Variants in G6PD observed in about 807,000 individuals in gnomAD.
The protein encoded by G6PD is glucose-6-phosphate dehydrogenase, also known as glucose-6-phosphate 1-dehydrogenase.
A neutral mutation model predicts 38.2 loss-of-function variants in G6PD; 2 were observed. The ratio of observed to expected loss-of-function variants is 0.05; its 90% CI spans 0.02 to 0.16. The LOEUF (loss-of-function observed/expected upper bound fraction) is 0.16, where lower values mean the gene tolerates loss of function less well. Among genes scored for constraint, G6PD ranks in the 10% least tolerant of loss-of-function variants. G6PD has a pLI of 1.00. For synonymous variants in G6PD, 188 were observed against 196.0 expected, an observed-to-expected ratio of 0.96 and a Z score of 0.34; for missense variants, 310 against 471.6, an observed-to-expected ratio of 0.66 and a Z score of 3.17.
At chrX:154,540,377 G>A (rs781845834) in intron 2 of G6PD, among the ~76,000 whole-genome samples, 4 of 110,817 alleles carry the variant, frequency 3.6e-5, no homozygotes, top group Non-Finnish European at 7.6e-5. Flanking sequence ...GCTGAGGCAG[G>A]GGAATTGCTT....
chrX:154,532,316 C>T (rs2070347656), intron 11 of G6PD, 36 bp from the exon 12 acceptor site: 1 of 1,208,379 alleles, frequency 8.3e-7, no homozygotes, highest in Admixed American at 2.2e-5. Context: ...AGGCCGGTGG[C>T]ACACAGGGAG....
chrX:154,542,166 A>G, intron 2 of G6PD: 1 of 541,664 alleles, frequency 1.8e-6, no homozygotes, highest in Non-Finnish European at 3.0e-6. Context: ...TGGGGAAGTC[A>G]GCCCAGAAAT....
chrX:154,546,138 G>A lies in G6PD; in HGVS notation c.18C>T (p.Ala6=). MAEQV[A]LSRTQVCGIL... ...TCCCGCACACCTGGGTCCGGCTCAG[G>A]GCCACCTGCTCTGCCATGACGCTGT... is the stretch of plus-strand genomic sequence containing the variant. The change falls in exon 2 of 13, where the codon GCC becomes GCT. Residue 6 remains alanine (A), a synonymous_variant. Coordinates refer to ENST00000393562, the MANE Select transcript of G6PD (RefSeq NM_001360016.2). 8.3e-7 allele frequency: 1 copy of A among 1,211,832 alleles called. No homozygotes were observed. Among genetic ancestry groups the A allele is most frequent in the East Asian group, 3.0e-5 (1 of 33,852 alleles).
chrX:154,533,415 C>T (rs973662474), intron 8 of G6PD, 161 bp downstream of exon 8: 3 of 617,405 alleles, frequency 4.9e-6, no homozygotes, highest in Admixed American at 7.1e-5. Context: ...GGCTTCATGA[C>T]TGCCAGTCCA....
intron 2 of G6PD, among the ~76,000 whole-genome samples, chrX:154,543,931 G>A (rs1249851293): frequency 1.9e-5 from 2 of 106,637 alleles, no homozygotes; most frequent in East Asian, 2.9e-4. Context: ...GCAGTGTTGC[G>A]ATTTCTGCTC....
At chrX:154,535,411 A>G (rs782041783) in intron 4 of G6PD, 26 bp from the exon 5 acceptor site, 5 of 1,157,571 alleles carry the variant, frequency 4.3e-6, no homozygotes, top group Non-Finnish European at 5.9e-6. Flanking sequence ...AGACAGACAC[A>G]CAGACAGATG....
chrX:154,546,404 G>A lies in G6PD; in HGVS notation c.-8-241C>T. On this transcript the variant is annotated intron_variant, in intron 1 of 12. Coordinates refer to ENST00000393562, the MANE Select transcript of G6PD (RefSeq NM_001360016.2). ...GGTGTACATTACAAAATTACTCAAAGCATTGGTGTATTCCGACTACAGCAT... is the reference window on the plus strand; with the variant it reads ...GGTGTACATTACAAAATTACTCAAAACATTGGTGTATTCCGACTACAGCAT... Among the ~76,000 whole-genome samples, 2 of 112,342 alleles carry A rather than the reference G, an allele frequency of 1.8e-5. 1 individual carries two copies. Among genetic ancestry groups the A allele is most frequent in the South Asian group, 7.3e-4 (2 of 2,724 alleles).
At chrX:154,542,562 T>G in intron 2 of G6PD, 1 of 987,569 alleles carries the variant, frequency 1.0e-6, no homozygotes, top group Non-Finnish European at 1.3e-6. Flanking sequence ...GGAAGCTGGG[T>G]GTGTGGGCAA....
At chrX:154,534,581 C>T in intron 5 of G6PD, 85 bp from the exon 6 acceptor site, 1 of 1,130,466 alleles carries the variant, frequency 8.8e-7, no homozygotes, top group Non-Finnish European at 1.2e-6. Flanking sequence ...GACGCCCTCC[C>T]AGGGGAGTAG....
rs782238350 is a variant in G6PD at position 154,532,821 on chromosome X, A to G, written c.1052-19T>C. On this transcript the variant is annotated intron_variant, in intron 9 of 12. Transcript: ENST00000393562. ...GGCACCCCTACGTGGCGGAAAGGGC[A>G]GCCTCAGCACCAGCTCTCTCAGGGT... is the stretch of plus-strand genomic sequence containing the variant. 151 of 1,204,972 alleles carry G rather than the reference A, an allele frequency of 1.3e-4. No homozygotes were observed. Among genetic ancestry groups the G allele is most frequent in the Non-Finnish European group, 1.6e-4 (141 of 891,340 alleles).
chrX:154,534,226 G>A (rs1557230254), intron 6 of G6PD, 66 bp from the exon 7 acceptor site: 1 of 1,204,605 alleles, frequency 8.3e-7, no homozygotes, highest in East Asian at 3.0e-5. Flanking sequence ...CACATGTGAG[G>A]GGTCACCCTT....
intron 2 of G6PD, among the ~76,000 whole-genome samples, chrX:154,542,620 C>T (rs1293723808): frequency 8.9e-6 from 1 of 111,931 alleles, no homozygotes; most frequent in African/African-American, 3.3e-5. Context: ...AGGAAGGCCA[C>T]GTGGGTCCAG....
In G6PD at chrX:154,535,404, C is replaced by CAG; in HGVS notation, c.268-21_268-20dup. On this transcript the variant is annotated intron_variant, in intron 4 of 12. Coordinates refer to ENST00000393562, the MANE Select transcript of G6PD (RefSeq NM_001360016.2). ...GGGTGGCCTGGGAGACACGGACAGACAGACACACAGACAGATGTCAGCCCC... is the reference window on the plus strand; with the variant it reads ...GGGTGGCCTGGGAGACACGGACAGACAGAGACACACAGACAGATGTCAGCCCC... 1 of 1,158,448 alleles carries CAG rather than the reference C, an allele frequency of 8.6e-7. No individual in the cohort carries two copies. Among genetic ancestry groups the CAG allele is most frequent in the Non-Finnish European group, 1.2e-6 (1 of 850,548 alleles).
At chrX:154,541,941 G>C (rs2070519671) in intron 2 of G6PD, among the ~76,000 whole-genome samples, 1 of 112,363 alleles carries the variant, frequency 8.9e-6, no homozygotes, top group Non-Finnish European at 1.9e-5. Flanking sequence ...CTGGGGTTAA[G>C]GACCTGCCCA....
chrX:154,536,304 T>C, intron 2 of G6PD, 126 bp from the exon 3 acceptor site: 1 of 626,156 alleles, frequency 1.6e-6, no homozygotes, highest in Non-Finnish European at 2.6e-6. Flanking sequence ...ATGTCTGTCT[T>C]GCCTGATATA....
intron 8 of G6PD, 171 bp downstream of exon 8, chrX:154,533,405 G>T: frequency 1.7e-6 from 1 of 572,323 alleles, no homozygotes; most frequent in African/African-American, 2.3e-5. Context: ...TGACAACTTG[G>T]GCTTCATGAC....
chrX:154,536,067 A>C, intron 3 of G6PD, 22 bp from the exon 4 acceptor site: 4 of 1,203,757 alleles, frequency 3.3e-6, no homozygotes, highest in Non-Finnish European at 4.5e-6. Context: ...GCACAGCTGT[A>C]ACCAGTGCGG....
chrX:154,535,736 A>T (rs1339887720), intron 4 of G6PD: 1 of 471,679 alleles, frequency 2.1e-6, no homozygotes, highest in Non-Finnish European at 3.8e-6. Flanking sequence ...AACGCAGCAG[A>T]GCACAGCAGG....
chrX:154,533,187 T>C, intron 8 of G6PD, 59 bp from the exon 9 acceptor site: 2 of 1,142,317 alleles, frequency 1.8e-6, no homozygotes, highest in Non-Finnish European at 1.2e-6. Flanking sequence ...GGTGCAGGGA[T>C]GACTGTGGCC....
Sources: gnomAD v4.1 joint callset for allele counts (sites outside exome capture counted in the v4.1 genomes callset) on GRCh38, gnomAD v4.1.1 for gene constraint, MANE v1.5 for transcripts, NCBI Gene and HGNC (gene_info 2026-07-23, HGNC 2026-07-21) for gene names.